Variants in FBXO36 observed in about 807,000 individuals in gnomAD.
FBXO36 encodes F-box only protein 36.
A neutral mutation model predicts 17.0 loss-of-function variants in FBXO36; 18 were observed. That is an observed-to-expected ratio of 1.06 (90% CI 0.73 to 1.57). The LOEUF is 1.57. Among genes scored for constraint, FBXO36 ranks in the 40% most tolerant of loss-of-function variants. The pLI, the probability that FBXO36 is intolerant of heterozygous loss-of-function variation, is 0.00. For missense variants in FBXO36, 229 were observed against 221.9 expected (o/e 1.03, Z -0.20); for synonymous variants, 83 against 85.3 (o/e 0.97, Z 0.15).
intron 1 of FBXO36, chr2:229,942,789 GC>G (rs2077006569): frequency 6.6e-6 from 1 of 152,232 alleles, no homozygotes; most frequent in Admixed American, 6.5e-5. Flanking sequence ...AGGATGTGAC[GC>G]TCTCATTCAG....
intron 2 of FBXO36, among the ~76,000 whole-genome samples, chr2:229,985,216 T>C (rs2077262013): frequency 6.6e-6 from 1 of 152,218 alleles, no homozygotes. Context: ...AAAATGAGAC[T>C]TCATTAATAT....
intron 2 of FBXO36, among the ~76,000 whole-genome samples, chr2:229,985,292 A>G (rs1351612100): frequency 6.6e-6 from 1 of 152,180 alleles, no homozygotes; most frequent in Non-Finnish European, 1.5e-5. Flanking sequence ...TTACTTTCTT[A>G]TCCTCACAAA....
chr2:229,925,818 T>C (rs1486360516), intron 1 of FBXO36, among the ~76,000 whole-genome samples: 1 of 152,160 alleles, frequency 6.6e-6, no homozygotes, highest in African/African-American at 2.4e-5. Context: ...TGTATGCTTA[T>C]ACAGGCACTT....
chr2:229,949,015 A>G (rs899739048), intron 1 of FBXO36, among the ~76,000 whole-genome samples: 1 of 151,934 alleles, frequency 6.6e-6, no homozygotes, highest in African/African-American at 2.4e-5. Flanking sequence ...TGTATTTTTT[A>G]GTGGAGACGG....
intron 1 of FBXO36, among the ~76,000 whole-genome samples, chr2:229,934,745 C>T (rs2076955804): frequency 6.6e-6 from 1 of 152,188 alleles, no homozygotes; most frequent in Non-Finnish European, 1.5e-5. Flanking sequence ...ACCTCTGCCT[C>T]CTGAGTTCAA....
chr2:229,942,999 A>C (rs557969738), intron 1 of FBXO36: 4 of 152,286 alleles, frequency 2.6e-5, no homozygotes, highest in African/African-American at 9.6e-5. Context: ...ATATGGATCC[A>C]CCATCCTCAG....
Position 229,988,851 on chromosome 2 carries a change from T to G in FBXO36, c.206-7900T>G, listed in dbSNP as rs551240399. Among the ~76,000 whole-genome samples, 1,316 of 150,950 alleles carry G rather than the reference T, an allele frequency of 8.7e-3. 12 individuals are homozygous for G. The highest frequency in any genetic ancestry group is 0.02 in the East Asian group (102 of 5,158). ...CTGTTTTTTTTTTTTTTTGTTTTTT[T>G]TTTTTTACCGCATAGTATTTATGCT... On this transcript the variant is annotated intron_variant, in intron 2 of 3. Coordinates refer to ENST00000283946, the MANE Select transcript of FBXO36 (RefSeq NM_174899.5).
chr2:229,962,969 G>T (rs920819562), intron 1 of FBXO36, among the ~76,000 whole-genome samples: 1 of 151,870 alleles, frequency 6.6e-6, no homozygotes, highest in African/African-American at 2.4e-5. Context: ...GAGCCACCAC[G>T]CCCAGCTTCA....
chr2:229,947,042 C>G (rs547265354), intron 1 of FBXO36, among the ~76,000 whole-genome samples: 2 of 152,186 alleles, frequency 1.3e-5, no homozygotes, highest in African/African-American at 4.8e-5. Flanking sequence ...GTGGCAGGTG[C>G]CTGTAATCTC....
intron 1 of FBXO36, chr2:229,939,064 T>TG (rs370877420): frequency 2.7e-4 from 44 of 162,332 alleles, no homozygotes; most frequent in East Asian, 1.2e-3. Context: ...TTTTGTTTTT[T>TG]TTTTTTTTTG....
intron 1 of FBXO36, among the ~76,000 whole-genome samples, chr2:229,942,127 T>C (rs1157055803): frequency 1.3e-5 from 2 of 152,158 alleles, no homozygotes; most frequent in Admixed American, 6.5e-5. Flanking sequence ...CTAAGGACTT[T>C]TAGGAGGTTT....
intron 3 of FBXO36, among the ~76,000 whole-genome samples, chr2:230,010,335 A>G (rs945925324): frequency 6.6e-6 from 1 of 152,184 alleles, no homozygotes; most frequent in Non-Finnish European, 1.5e-5. Flanking sequence ...AGAGGCAACA[A>G]ACTTCATCCA....
intron 1 of FBXO36, among the ~76,000 whole-genome samples, chr2:229,932,049 G>A (rs1027651857): frequency 7.3e-5 from 11 of 151,368 alleles, no homozygotes; most frequent in African/African-American, 2.7e-4. Flanking sequence ...CCTGAAAATA[G>A]CAGAGACTAC....
At chr2:229,955,379 G>A (rs1445991062) in intron 1 of FBXO36, among the ~76,000 whole-genome samples, 1 of 152,080 alleles carries the variant, frequency 6.6e-6, no homozygotes, top group African/African-American at 2.4e-5. Flanking sequence ...AGCTGGGCAT[G>A]CTGGCACTTG....
chr2:229,996,815 ATTTGAC>A lies in FBXO36; in HGVS notation c.273_278del (p.Asp92_Phe93del), dbSNP rs2077329922. ...ATGTCATCAATTTGTGCAAAGGTAA[ATTTGAC>A]TTCCTTGAACGGCTCTCAGACGATT... On this transcript the variant is annotated inframe_deletion, in exon 3 of 4. Coordinates refer to ENST00000283946, the MANE Select transcript of FBXO36 (RefSeq NM_174899.5). 2 of 1,613,734 alleles carry A rather than the reference ATTTGAC, an allele frequency of 1.2e-6. No homozygotes were observed. The highest frequency in any genetic ancestry group is 1.7e-6 in the Non-Finnish European group (2 of 1,180,024).
At chr2:229,951,588 A>G (rs929309232) in intron 1 of FBXO36, among the ~76,000 whole-genome samples, 1 of 152,222 alleles carries the variant, frequency 6.6e-6, no homozygotes, top group Non-Finnish European at 1.5e-5. Flanking sequence ...GGACTTCCTT[A>G]TGATGCTTAC....
At chr2:229,933,451 G>A (rs766157621) in intron 1 of FBXO36, among the ~76,000 whole-genome samples, 2 of 152,156 alleles carry the variant, frequency 1.3e-5, no homozygotes, top group African/African-American at 2.4e-5. Context: ...GTGACCTGGC[G>A]TAACCTGCCT....
Position 230,013,055 on chromosome 2 carries a change from CTA to C in FBXO36, c.*2173_*2174del, listed in dbSNP as rs1484815889. 2 of 151,400 alleles carry C rather than the reference CTA, an allele frequency of 1.3e-5. No homozygotes were observed. The highest frequency in any genetic ancestry group is 4.8e-5 in the African/African-American group (2 of 41,354). 9.4% of individuals were successfully genotyped at this position (151,400 alleles called of 1,614,324 possible). A position where few individuals can be genotyped will look rare whatever the true frequency, so the allele number is the denominator to read the frequency against. On this transcript the variant is annotated 3_prime_UTR_variant, in exon 4 of 4. Transcript: ENST00000283946. The stretch of plus-strand genomic sequence containing the variant: ...AAAAAAAGAGCCATTAATATGTTAA[CTA>C]TTGTTAAATAATAGCTAAAATAATA...
intron 1 of FBXO36, among the ~76,000 whole-genome samples, chr2:229,968,825 G>GT (rs1449601894): frequency 1.3e-5 from 2 of 152,122 alleles, no homozygotes; most frequent in East Asian, 1.9e-4. Flanking sequence ...CCAGGCTGGA[G>GT]TGCAGTGGTG....
Sources: gnomAD v4.1 joint callset for allele counts (sites outside exome capture counted in the v4.1 genomes callset) on GRCh38, gnomAD v4.1.1 for gene constraint, MANE v1.5 for transcripts, NCBI Gene and HGNC (gene_info 2026-07-23, HGNC 2026-07-21) for gene names.